The following NCBP1 variants were observed in gnomAD, a reference collection of about 807,000 sequenced individuals.
NCBP1 encodes the protein nuclear cap-binding protein subunit 1.
NCBP1 carries 16 observed loss-of-function variants against 111.7 expected under a neutral mutation model. That is an observed-to-expected ratio of 0.14 (90% CI 0.10 to 0.22). The LOEUF is 0.22. Among genes scored for constraint, NCBP1 ranks in the 10% least tolerant of loss-of-function variants. The probability of loss-of-function intolerance (pLI) is 1.00; values close to 1 mark genes in which losing one functional copy is unlikely to be tolerated. For missense variants in NCBP1, 607 were observed against 957.5 expected, an observed-to-expected ratio of 0.63 and a Z score of 4.83; for synonymous variants, 304 against 314.3, an observed-to-expected ratio of 0.97 and a Z score of 0.35.
At position 97,633,823 on chromosome 9, in the gene NCBP1, A is replaced by G. The variant is rs1587989215; in HGVS notation, c.-59A>G. ...TGTCCTTGCGTCGGCCAGCGGCCAG[A>G]CAGTTCCTGCAGCGCTTACCGCCTG... On this transcript the variant is annotated 5_prime_UTR_variant, in exon 1 of 23. Transcript: ENST00000375147. The G allele has an allele frequency of 1.3e-6, 2 of 1,535,136 alleles. No homozygotes were observed. The highest frequency in any genetic ancestry group is 5.1e-5 in the East Asian group (2 of 39,602).
At chr9:97,645,840 T>A (rs1827316608) in intron 6 of NCBP1, 108 bp downstream of exon 6, 9 of 1,326,052 alleles carry the variant, frequency 6.8e-6, no homozygotes, top group Non-Finnish European at 9.3e-6. Flanking sequence ...CTGAAGGTAT[T>A]TTCTAGGTAA....
intron 20 of NCBP1, among the ~76,000 whole-genome samples, chr9:97,667,872 GTCTA>G (rs1281974225): frequency 1.3e-5 from 2 of 152,310 alleles, no homozygotes; most frequent in African/African-American, 2.4e-5. Flanking sequence ...TTGAAGAAAG[GTCTA>G]TCTATTAGGT....
At chr9:97,656,319 C>T (rs545062036) in intron 14 of NCBP1, among the ~76,000 whole-genome samples, 5 of 152,330 alleles carry the variant, frequency 3.3e-5, no homozygotes, top group Admixed American at 6.5e-5. Context: ...CAGTGGCTCA[C>T]GCCTGTAATC....
At chr9:97,647,620 T>C (rs1003957694) in intron 7 of NCBP1, 59 bp downstream of exon 7, 39 of 1,371,284 alleles carry the variant, frequency 2.8e-5, no homozygotes, top group South Asian at 2.5e-4. Flanking sequence ...TAGATTCTTA[T>C]CTCTGTAAGA....
At chr9:97,669,495 T>C (rs2131371469) in intron 21 of NCBP1, 98 bp from the exon 22 acceptor site, 1 of 753,882 alleles carries the variant, frequency 1.3e-6, no homozygotes, top group East Asian at 2.7e-5. Flanking sequence ...AAAGACAGGG[T>C]GGAACAGGCA....
intron 1 of NCBP1, chr9:97,634,720 T>C (rs761092269): frequency 1.3e-5 from 2 of 152,208 alleles, no homozygotes; most frequent in Non-Finnish European, 2.9e-5. Flanking sequence ...ACCAAAAAAG[T>C]AAAACTTAGA....
At position 97,643,184 on chromosome 9, in the gene NCBP1, A is replaced by T; in HGVS notation, c.225-20A>T. 5 of 1,564,390 alleles carry T rather than the reference A, an allele frequency of 3.2e-6. No individual in the cohort carries two copies. The highest frequency in any genetic ancestry group is 3.4e-6 in the Non-Finnish European group (4 of 1,165,010). On this transcript the variant is annotated intron_variant, in intron 3 of 22. Transcript: ENST00000375147. The stretch of plus-strand genomic sequence containing the variant: ...GCCATTGTTTTGGGGTTTTCTTGTT[A>T]TACTGGGTTCTTAAATCAGTGCACG...
Position 97,655,483 on chromosome 9 carries a change from T to A in NCBP1, c.1236-219T>A, listed in dbSNP as rs192983441. Among the ~76,000 whole-genome samples the A allele has an allele frequency of 1.9e-4, 29 of 152,270 alleles. No homozygotes were observed. In the East Asian group the frequency reaches 4.6e-3, roughly 24 times the overall value. Reference sequence around the variant, plus strand: ...AGTTGTGAGAATTAAATAATAAACATGTTAGGTGCCCGCACAAAACAGGTA... The same window carrying A: ...AGTTGTGAGAATTAAATAATAAACAAGTTAGGTGCCCGCACAAAACAGGTA... On this transcript the variant is annotated intron_variant, in intron 12 of 22. Transcript: ENST00000375147.
In NCBP1 at chr9:97,643,188, T is replaced by G; in HGVS notation, c.225-16T>G. ...TTGTTTTGGGGTTTTCTTGTTATAC[T>G]GGGTTCTTAAATCAGTGCACGCCTA... is the stretch of plus-strand genomic sequence containing the variant. On this transcript the variant is annotated splice_polypyrimidine_tract_variant and intron_variant, in intron 3 of 22. Transcript: ENST00000375147. The G allele has an allele frequency of 6.4e-7, 1 of 1,565,762 alleles. No individual in the cohort carries two copies. The highest frequency in any genetic ancestry group is 8.6e-7 in the Non-Finnish European group (1 of 1,165,398).
At chr9:97,650,676 G>A (rs1827473725) in intron 9 of NCBP1, 76 bp downstream of exon 9, 4 of 1,235,530 alleles carry the variant, frequency 3.2e-6, no homozygotes, top group Non-Finnish European at 4.6e-6. Flanking sequence ...CAAAATATAT[G>A]TTGAGAGTGT....
chr9:97,666,881 A>G lies in NCBP1; in HGVS notation c.2016+4A>G, dbSNP rs371264939. ...ACTTGCTAGGCAACACAAACGGGTAAGTTTTGTGTAAACTTGTAAGTAGTT... is the reference window on the plus strand; with the variant it reads ...ACTTGCTAGGCAACACAAACGGGTAGGTTTTGTGTAAACTTGTAAGTAGTT... On this transcript the variant is annotated splice_donor_region_variant and intron_variant, in intron 20 of 22. Coordinates refer to ENST00000375147, the MANE Select transcript of NCBP1 (RefSeq NM_002486.5). 8.5e-5 allele frequency: 133 copies of G among 1,571,842 alleles called. 1 individual carries two copies. Among genetic ancestry groups the G allele is most frequent in the Non-Finnish European group, 6.9e-5 (80 of 1,155,760 alleles).
Position 97,648,150 on chromosome 9 carries a change from C to T in NCBP1, c.824C>T (p.Pro275Leu). 1.2e-6 allele frequency: 2 copies of T among 1,614,174 alleles called. No individual in the cohort carries two copies. Among genetic ancestry groups the T allele is most frequent in the South Asian group, 2.2e-5 (2 of 91,086 alleles). ...AATCTGCCTCCTTTTACACCACCTC[C>T]TCACACTGAAGATTCAGTGTACCCA... ...QHNLPPFTPP[P>L]HTEDSVYPMP... The change falls in exon 8 of 23, where the codon CCT becomes CTT. Residue 275 changes from proline to leucine, a missense_variant. By Grantham distance (98) the Pro-to-Leu change is moderately conservative. Around this residue, in one of 9 missense-constraint regions of NCBP1, gnomAD observed 53 missense variants for 144.8 expected, o/e 0.37. Transcript: ENST00000375147.
intron 12 of NCBP1, 53 bp from the exon 13 acceptor site, chr9:97,655,649 A>G: frequency 1.4e-6 from 2 of 1,465,008 alleles, no homozygotes; most frequent in South Asian, 1.2e-5. Context: ...TTTCTGTTCT[A>G]AATCCCAGTT....
At chr9:97,647,265 T>C (rs7341850) in intron 6 of NCBP1, among the ~76,000 whole-genome samples, 17,972 of 152,212 alleles carry the variant, frequency 0.12, 3,013 homozygotes, top group African/African-American at 0.37. Context: ...AGATTATACT[T>C]TCCCAAAGAG....
At chr9:97,642,722 C>T (rs762195859) in intron 3 of NCBP1, among the ~76,000 whole-genome samples, 1 of 152,048 alleles carries the variant, frequency 6.6e-6, no homozygotes, top group Non-Finnish European at 1.5e-5. Flanking sequence ...TTCTAAACAA[C>T]TAGAATAGTG....
intron 10 of NCBP1, among the ~76,000 whole-genome samples, chr9:97,651,929 A>G (rs1827508221): frequency 6.6e-6 from 1 of 152,218 alleles, no homozygotes; most frequent in African/African-American, 2.4e-5. Flanking sequence ...GGTTGATGTT[A>G]GTATACAGTT....
chr9:97,655,081 T>C (rs1029237040), intron 12 of NCBP1, 137 bp downstream of exon 12: 1 of 612,146 alleles, frequency 1.6e-6, no homozygotes. Flanking sequence ...CTTTGTATAA[T>C]AACCAGACTC....
chr9:97,647,409 A>T, intron 6 of NCBP1, 83 bp from the exon 7 acceptor site: 1 of 1,084,570 alleles, frequency 9.2e-7, no homozygotes, highest in Non-Finnish European at 1.4e-6. Context: ...CATTGCTTTA[A>T]TTTGCATTTT....
rs1828241207 is a variant in NCBP1, at chr9:97,673,057, G to GGT, written c.*1860_*1861dup. On this transcript the variant is annotated 3_prime_UTR_variant, in exon 23 of 23. Coordinates refer to ENST00000375147, the MANE Select transcript of NCBP1 (RefSeq NM_002486.5). ...ACAGGAGAATCGCTTGAACCTGGGA[G>GGT]GTGGAGGTTTCAGTGAGCCAAGATT... is the stretch of plus-strand genomic sequence containing the variant. The GGT allele has an allele frequency of 6.6e-6, 1 of 152,512 alleles. No individual in the cohort carries two copies. Among genetic ancestry groups the GGT allele is most frequent in the Non-Finnish European group, 1.5e-5 (1 of 68,286 alleles). 9.4% of individuals were successfully genotyped at this position (152,512 alleles called of 1,614,324 possible). A position where few individuals can be genotyped will look rare whatever the true frequency, so the allele number is the denominator to read the frequency against.
Sources: allele counts gnomAD v4.1 joint callset (sites outside exome capture counted in the v4.1 genomes callset), GRCh38; gene constraint gnomAD v4.1.1; regional missense constraint gnomAD v4.1.1; transcripts MANE v1.5; gene names NCBI Gene and HGNC (gene_info 2026-07-23, HGNC 2026-07-21).